The following SERPINB10 variants were observed in gnomAD, a reference collection of about 807,000 sequenced individuals.
SERPINB10 encodes the protein serpin B10.
In SERPINB10, 35 loss-of-function variants were observed where a neutral mutation model predicts 39.1. That is an observed-to-expected ratio of 0.90 (90% confidence interval 0.68 to 1.19). The LOEUF is 1.19. Ranked by LOEUF, SERPINB10 falls within the 50% of genes most tolerant of loss-of-function variation. The pLI is 0.00. For synonymous variants in SERPINB10, 190 were observed against 158.1 expected (o/e 1.20, Z -1.52); for missense variants, 546 against 460.5 (o/e 1.19, Z -1.70).
At chr18:63,917,853 A>T in intron 3 of SERPINB10, 112 bp from the exon 4 acceptor site, 1 of 956,798 alleles carries the variant, frequency 1.0e-6, no homozygotes, top group Admixed American at 2.5e-5. Context: ...CTTTAGGAAC[A>T]TTTTCAACTT....
At chr18:63,930,274 A>G in intron 6 of SERPINB10, 87 bp downstream of exon 6, 7 of 1,431,732 alleles carry the variant, frequency 4.9e-6, no homozygotes, top group Admixed American at 1.8e-5. Context: ...TTTAGATTGT[A>G]TGTTCTAGTG....
At chr18:63,910,342 C>T (rs2050054893) in intron 1 of SERPINB10, among the ~76,000 whole-genome samples, 1 of 151,790 alleles carries the variant, frequency 6.6e-6, no homozygotes, top group African/African-American at 2.4e-5. Flanking sequence ...GGTACATATG[C>T]AGGTTTGTTA....
chr18:63,916,033 A>C lies in SERPINB10; in HGVS notation c.168+355A>C, dbSNP rs74428772. 9.2e-5 allele frequency among the ~76,000 whole-genome samples: 14 copies of C among 152,164 alleles called. No homozygotes were observed. In the East Asian group the frequency reaches 2.7e-3, roughly 29 times the overall value. On this transcript the variant is annotated intron_variant, in intron 2 of 7. Coordinates refer to ENST00000238508, the MANE Select transcript of SERPINB10 (RefSeq NM_005024.3). ...TAATAGAATTATTCAGCATCTTTATAATCACATAAGGATTTTCTTGAAGAC... is the reference window on the plus strand; with the variant it reads ...TAATAGAATTATTCAGCATCTTTATCATCACATAAGGATTTTCTTGAAGAC...
At chr18:63,911,415 C>A (rs901140313) in intron 1 of SERPINB10, among the ~76,000 whole-genome samples, 4 of 151,450 alleles carry the variant, frequency 2.6e-5, no homozygotes, top group Admixed American at 1.3e-4. Context: ...AGTCTGAGAT[C>A]TTACATTCAA....
At chr18:63,924,689 A>T (rs1165067220) in intron 5 of SERPINB10, among the ~76,000 whole-genome samples, 1 of 151,870 alleles carries the variant, frequency 6.6e-6, no homozygotes, top group Non-Finnish European at 1.5e-5. Context: ...TTGAGTTTCT[A>T]ACTCCCTGAG....
chr18:63,916,337 T>G (rs1304132919), intron 2 of SERPINB10, among the ~76,000 whole-genome samples: 1 of 128,872 alleles, frequency 7.8e-6, no homozygotes, highest in Non-Finnish European at 1.6e-5. Flanking sequence ...TATATAAATG[T>G]GATTTTAAAT....
chr18:63,925,866 G>C (rs1210087111), intron 5 of SERPINB10, among the ~76,000 whole-genome samples: 2 of 151,880 alleles, frequency 1.3e-5, no homozygotes, highest in African/African-American at 4.8e-5. Context: ...CTTCCCACAT[G>C]ATACCAAAAA....
intron 1 of SERPINB10, 142 bp from the exon 2 acceptor site, chr18:63,915,360 T>A: frequency 2.1e-6 from 1 of 484,860 alleles, no homozygotes; most frequent in Non-Finnish European, 3.6e-6. Context: ...ATACTATTAT[T>A]GGACTAGAAT....
intron 5 of SERPINB10, among the ~76,000 whole-genome samples, chr18:63,924,226 C>T (rs2050165263): frequency 6.6e-6 from 1 of 151,960 alleles, no homozygotes; most frequent in Non-Finnish European, 1.5e-5. Context: ...TCTATGGTCA[C>T]TGTTGGGCTG....
intron 6 of SERPINB10, among the ~76,000 whole-genome samples, chr18:63,931,382 G>T (rs1269884618): frequency 6.6e-6 from 1 of 152,122 alleles, no homozygotes; most frequent in Non-Finnish European, 1.5e-5. Context: ...GGAGGGCTCT[G>T]GTTGGGGCCA....
At chr18:63,918,567 A>C (rs557404063) in intron 4 of SERPINB10, among the ~76,000 whole-genome samples, 1 of 152,018 alleles carries the variant, frequency 6.6e-6, no homozygotes, top group South Asian at 2.1e-4. Context: ...ATGACAACCC[A>C]GGTCAATAAT....
intron 2 of SERPINB10, among the ~76,000 whole-genome samples, chr18:63,917,016 G>A (rs923416616): frequency 6.6e-6 from 1 of 151,602 alleles, no homozygotes; most frequent in Non-Finnish European, 1.5e-5. Flanking sequence ...TCAAGTGGTG[G>A]TAGACAATAG....
chr18:63,924,702 A>G (rs1291620846), intron 5 of SERPINB10, among the ~76,000 whole-genome samples: 1 of 151,894 alleles, frequency 6.6e-6, no homozygotes, highest in East Asian at 1.9e-4. Flanking sequence ...TCCCTGAGCA[A>G]CACCCCAACC....
chr18:63,935,109 G>C lies in SERPINB10; in HGVS notation c.1061G>C (p.Gly354Ala), dbSNP rs138724716. 4 of 1,613,990 alleles carry C rather than the reference G, an allele frequency of 2.5e-6. No individual in the cohort carries two copies. In the South Asian group the frequency reaches 3.3e-5, roughly 13 times the overall value. Residue 354 changes from glycine (G) to alanine (A), a missense_variant, in exon 8 of 8, where the codon GGC becomes GCC. Physicochemically the swap from Gly to Ala is moderately conservative, Grantham distance 60. Transcript: ENST00000238508. ...GAACAAGGTACTGAAGCTGCAGCTG[G>C]CAGTGGGAGTGAGATAGATATACGA... ...INEQGTEAAA[G>A]SGSEIDIRIR...
chr18:63,929,997 T>G (rs2050209755), intron 5 of SERPINB10, 48 bp from the exon 6 acceptor site: 2 of 1,584,766 alleles, frequency 1.3e-6, no homozygotes, highest in African/African-American at 1.4e-5. Context: ...TTAGTTAAAA[T>G]ATACATATTT....
chr18:63,915,263 C>A (rs9953733), intron 1 of SERPINB10, among the ~76,000 whole-genome samples: 39,543 of 151,922 alleles, frequency 0.26, 5,801 homozygotes, highest in African/African-American at 0.39. Context: ...AACTGACCAG[C>A]ATCCATTTAT....
chr18:63,916,728 C>T (rs553574559), intron 2 of SERPINB10, among the ~76,000 whole-genome samples: 16 of 151,972 alleles, frequency 1.1e-4, no homozygotes, highest in African/African-American at 3.1e-4. Flanking sequence ...GTCCTTGTTT[C>T]GGATGTTAAC....
intron 3 of SERPINB10, 24 bp downstream of exon 3, chr18:63,917,545 A>T: frequency 7.6e-7 from 1 of 1,317,102 alleles, no homozygotes; most frequent in Non-Finnish European, 1.0e-6. Context: ...TTTAATATAT[A>T]TTTCATAATT....
intron 2 of SERPINB10, among the ~76,000 whole-genome samples, chr18:63,916,363 CAGA>C (rs2050103029): frequency 7.5e-6 from 1 of 133,920 alleles, no homozygotes; most frequent in East Asian, 2.3e-4. Context: ...AAAAAAAAAA[CAGA>C]AGGAGTAAAC....
Sources: gnomAD v4.1 joint callset for allele counts (sites outside exome capture counted in the v4.1 genomes callset) on GRCh38, gnomAD v4.1.1 for gene constraint, MANE v1.5 for transcripts, NCBI Gene and HGNC (gene_info 2026-07-23, HGNC 2026-07-21) for gene names.